Variants in KPNA6 observed in about 807,000 individuals in gnomAD.
KPNA6 encodes karyopherin subunit alpha 6.
Under a neutral mutation model 72.0 loss-of-function variants are expected in KPNA6, and 9 were observed. The ratio of observed to expected loss-of-function variants is 0.13; its 90% CI spans 0.08 to 0.22. The LOEUF is 0.22. Among genes scored for constraint, KPNA6 ranks in the 10% least tolerant of loss-of-function variants. The pLI, the probability that KPNA6 is intolerant of heterozygous loss-of-function variation, is 1.00. For synonymous variants in KPNA6, 219 were observed against 242.1 expected (o/e 0.90, Z 0.89); for missense variants, 374 against 655.7 (o/e 0.57, Z 4.69).
intron 1 of KPNA6, among the ~76,000 whole-genome samples, chr1:32,109,028 T>C (rs1286936645): frequency 6.6e-6 from 1 of 152,238 alleles, no homozygotes; most frequent in Non-Finnish European, 1.5e-5. Flanking sequence ...TTGTTTTACT[T>C]AATTTGTACA....
At chr1:32,152,570 G>A (rs1470198976) in intron 1 of KPNA6, among the ~76,000 whole-genome samples, 1 of 152,142 alleles carries the variant, frequency 6.6e-6, no homozygotes, top group East Asian at 1.9e-4. Flanking sequence ...GTGGGGCCAG[G>A]CACGGTGGCT....
At position 32,174,303 on chromosome 1, in the gene KPNA6, GCACAGATTATAGCTGCTATTGTA is replaced by G. The variant is rs1642490712; in HGVS notation, c.*3411_*3433del. 1 of 152,284 alleles carries G rather than the reference GCACAGATTATAGCTGCTATTGTA, an allele frequency of 6.6e-6. No homozygotes were observed. Among genetic ancestry groups the G allele is most frequent in the African/African-American group, 2.4e-5 (1 of 41,436 alleles). The allele number at this position is 152,284 out of a possible 1,614,324, so 9.4% of individuals were successfully genotyped here. ...GAGCCCTGTTTTTTGGAGCTGAACT[GCACAGATTATAGCTGCTATTGTA>G]CTTAAATAAGGGAGAGGAAAAGAAG... On this transcript the variant is annotated 3_prime_UTR_variant, in exon 14 of 14. Transcript: ENST00000373625.
chr1:32,119,013 TATATATATATATATATA>T (rs1641379404), intron 1 of KPNA6, among the ~76,000 whole-genome samples: 18 of 75,776 alleles, frequency 2.4e-4, no homozygotes, highest in African/African-American at 1.0e-3. Flanking sequence ...TATATATATA[TATATATATATATATATA>T]TATTTTTTTT....
chr1:32,148,431 T>G (rs1234330979), intron 1 of KPNA6, among the ~76,000 whole-genome samples: 3 of 152,110 alleles, frequency 2.0e-5, no homozygotes, highest in Non-Finnish European at 2.9e-5. Flanking sequence ...TTAGAGTTCA[T>G]TGAGCTCCTT....
intron 9 of KPNA6, 48 bp from the exon 10 acceptor site, chr1:32,163,187 G>A: frequency 8.1e-7 from 1 of 1,227,204 alleles, no homozygotes; most frequent in Non-Finnish European, 1.2e-6. Flanking sequence ...AATCAGCAGG[G>A]CCGAAAATGG....
At chr1:32,157,240 C>T in intron 3 of KPNA6, 106 bp from the exon 4 acceptor site, 2 of 785,650 alleles carry the variant, frequency 2.5e-6, no homozygotes, top group Middle Eastern at 5.1e-4. Context: ...ATTATGCCAT[C>T]CTCTTGCCCT....
rs1416683464 is a variant in KPNA6, at chr1:32,172,984, G to A, written c.*2090G>A. On this transcript the variant is annotated 3_prime_UTR_variant, in exon 14 of 14. Transcript: ENST00000373625. The stretch of plus-strand genomic sequence containing the variant: ...TCCCACTTCAAAGCCATTTTCTGAG[G>A]AGGATGGTTTAGGTCTGGCAATTGT... 1.5e-5 allele frequency: 6 copies of A among 397,906 alleles called. No individual in the cohort carries two copies. Among genetic ancestry groups the A allele is most frequent in the Non-Finnish European group, 2.7e-5 (6 of 225,884 alleles). The allele number at this position is 397,906 out of a possible 1,614,324, so 24.6% of individuals were successfully genotyped here.
At chr1:32,169,364 CAAAAA>C (rs1297416743) in intron 12 of KPNA6, among the ~76,000 whole-genome samples, 2 of 121,062 alleles carry the variant, frequency 1.7e-5, no homozygotes, top group African/African-American at 5.9e-5. Context: ...GACCCTGTCT[CAAAAA>C]AAAAAAAAGG....
intron 1 of KPNA6, among the ~76,000 whole-genome samples, chr1:32,144,188 T>C (rs1279369793): frequency 6.6e-6 from 1 of 152,112 alleles, no homozygotes; most frequent in Non-Finnish European, 1.5e-5. Context: ...CATTATTAGG[T>C]AAAATAAGGA....
chr1:32,117,313 C>T (rs1641344241), intron 1 of KPNA6, among the ~76,000 whole-genome samples: 1 of 151,986 alleles, frequency 6.6e-6, no homozygotes, highest in Admixed American at 6.6e-5. Flanking sequence ...GCTGGGACTA[C>T]AGGCGCCTGC....
chr1:32,142,934 G>T, intron 1 of KPNA6: 1 of 1,288,332 alleles, frequency 7.8e-7, no homozygotes, highest in South Asian at 1.2e-5. Flanking sequence ...GCTCAGCATG[G>T]CTCTCCTCCC....
At chr1:32,124,826 A>G (rs1641504857) in intron 1 of KPNA6, among the ~76,000 whole-genome samples, 1 of 143,556 alleles carries the variant, frequency 7.0e-6, no homozygotes, top group South Asian at 2.2e-4. Context: ...TTTTTTTAAG[A>G]GCTGTTTGCG....
intron 1 of KPNA6, among the ~76,000 whole-genome samples, chr1:32,150,127 CTTTTTTTTTTT>C (rs35179721): frequency 2.3e-5 from 2 of 87,058 alleles, no homozygotes; most frequent in East Asian, 3.4e-4. Context: ...AATTTTTAGT[CTTTTTTTTTTT>C]TTTTTTTTTT....
rs144915333 is a variant in KPNA6, at chr1:32,118,972, A to ATGTGTGTG, written c.4+10852_4+10859dup. On this transcript the variant is annotated intron_variant, in intron 1 of 13. Transcript: ENST00000373625. ...ACTTTCTATGTGTCAAGCCATATAT[A>ATGTGTGTG]TGTGTGTGTGTGTGTGTGTGTATAC... 4.9e-3 allele frequency among the ~76,000 whole-genome samples: 595 copies of ATGTGTGTG among 120,764 alleles called. 13 individuals carry two copies. The highest frequency in any genetic ancestry group is 0.019 in the African/African-American group (549 of 28,308). The allele number at this position is 120,764 out of a possible 152,430, so 79.2% of individuals were successfully genotyped here. A position where few individuals can be genotyped will look rare whatever the true frequency, so the allele number is the denominator to read the frequency against.
chr1:32,109,508 G>A (rs1408659069), intron 1 of KPNA6, among the ~76,000 whole-genome samples: 2 of 151,748 alleles, frequency 1.3e-5, no homozygotes, highest in African/African-American at 4.8e-5. Flanking sequence ...AAATGACCTG[G>A]CCCTCTAGTG....
chr1:32,127,615 T>C (rs987651388), intron 1 of KPNA6, among the ~76,000 whole-genome samples: 4 of 152,148 alleles, frequency 2.6e-5, no homozygotes, highest in Admixed American at 6.6e-5. Flanking sequence ...TGAAGACGAG[T>C]TGTGGGTGGA....
chr1:32,112,394 A>G (rs906122435), intron 1 of KPNA6, among the ~76,000 whole-genome samples: 5 of 152,098 alleles, frequency 3.3e-5, no homozygotes, highest in African/African-American at 1.2e-4. Flanking sequence ...AGTCACATGA[A>G]TTTTTCTGTT....
At chr1:32,138,413 CAT>C (rs1212637008) in intron 1 of KPNA6, among the ~76,000 whole-genome samples, 35 of 151,182 alleles carry the variant, frequency 2.3e-4, no homozygotes, top group Non-Finnish European at 4.3e-4. Context: ...CGTGGTGGCA[CAT>C]GCCTGTAATC....
rs1172330634 is a variant in KPNA6, at chr1:32,163,310, C to T, written c.987C>T (p.Thr329=). The change falls in exon 10 of 14, where the codon ACC becomes ACT. Residue 329 remains threonine, a synonymous_variant. Coordinates refer to ENST00000373625, the MANE Select transcript of KPNA6 (RefSeq NM_012316.5). The part of the protein sequence containing the change: ...GNIVTGDDIQ[T]QVILNCSALP... Reference sequence around the variant, plus strand: ...TCGTCACTGGGGATGACATCCAGACCCAGGTAAGAAAGAGGAGGGTGCAGG... The same window carrying T: ...TCGTCACTGGGGATGACATCCAGACTCAGGTAAGAAAGAGGAGGGTGCAGG... The T allele has an allele frequency of 1.7e-5, 27 of 1,609,736 alleles. No homozygotes were observed. The highest frequency in any genetic ancestry group is 2.3e-5 in the Non-Finnish European group (27 of 1,177,234).
Sources: allele counts gnomAD v4.1 joint callset (sites outside exome capture counted in the v4.1 genomes callset), GRCh38; gene constraint gnomAD v4.1.1; transcripts MANE v1.5; gene names NCBI Gene and HGNC (gene_info 2026-07-23, HGNC 2026-07-21).